Variants in CELSR1 observed in about 807,000 individuals in gnomAD.
The protein encoded by CELSR1 is cadherin EGF LAG seven-pass G-type receptor 1.
CELSR1 carries 110 observed loss-of-function variants against 249.1 expected under a neutral mutation model. The observed-to-expected ratio is 0.44, with a 90% CI of 0.38 to 0.52. The LOEUF (loss-of-function observed/expected upper bound fraction) is 0.52. CELSR1 is among the 20% of genes least tolerant of loss of function. CELSR1 has a pLI of 0.00. For missense variants in CELSR1, 4,109 were observed against 4,296.4 expected (o/e 0.96, Z 1.22); for synonymous variants, 2,113 against 1,900.0 (o/e 1.11, Z -2.92).
chr22:46,389,275 C>A lies in CELSR1; in HGVS notation c.6555+15G>T. On this transcript the variant is annotated intron_variant, in intron 18 of 34. Coordinates refer to ENST00000674500, the MANE Select transcript of CELSR1 (RefSeq NM_001378328.1). The stretch of plus-strand genomic sequence containing the variant: ...CCCGAGTGTCCCCGAGCCAGGGTGG[C>A]GGCCACCCGCCTACCTCGTGAAAGT... 1.9e-6 allele frequency: 3 copies of A among 1,601,150 alleles called. No homozygotes were observed. Among genetic ancestry groups the A allele is most frequent in the Non-Finnish European group, 2.5e-6 (3 of 1,179,462 alleles).
chr22:46,451,462 G>A (rs2079883579), intron 2 of CELSR1, among the ~76,000 whole-genome samples: 1 of 152,230 alleles, frequency 6.6e-6, no homozygotes, highest in African/African-American at 2.4e-5. Context: ...CCACTGCTTT[G>A]CTGTTTCTTA....
At chr22:46,451,260 C>T (rs1470774424) in intron 2 of CELSR1, among the ~76,000 whole-genome samples, 3 of 152,350 alleles carry the variant, frequency 2.0e-5, no homozygotes, top group African/African-American at 7.2e-5. Context: ...AGACCCCCGC[C>T]CCACAAGGAG....
intron 2 of CELSR1, among the ~76,000 whole-genome samples, chr22:46,450,783 A>T (rs2079874427): frequency 6.6e-6 from 1 of 152,302 alleles, no homozygotes; most frequent in South Asian, 2.1e-4. Flanking sequence ...GTCAGGACAG[A>T]GGTTTCCTGA....
rs750992843 is a variant in CELSR1, at chr22:46,367,057, C to T, written c.8141G>A (p.Gly2714Asp). 7 of 1,611,386 alleles carry T rather than the reference C, an allele frequency of 4.3e-6. No homozygotes were observed. The highest frequency in any genetic ancestry group is 1.1e-5 in the South Asian group (1 of 90,808). ...GTGCAGCTTCCTCCCGCCGAGCACG[C>T]CCTTCAGGTGCTTCCGGACCTCCTG... ...LNQEVRKHLK[G>D]VLGGRKLHLE... is the part of the protein sequence containing the mutation. The change falls in exon 29 of 35, where the codon GGC (glycine) becomes GAC (aspartate). Residue 2714 changes from glycine (G) to aspartate (D), a missense_variant. This residue lies in a region of CELSR1 where 1,805 missense variants were observed against 1,831.6 expected (regional missense o/e 0.99). Transcript: ENST00000674500.
At chr22:46,492,013 G>T (rs1039350633) in intron 1 of CELSR1, among the ~76,000 whole-genome samples, 3 of 152,188 alleles carry the variant, frequency 2.0e-5, no homozygotes, top group African/African-American at 4.8e-5. Flanking sequence ...CCAGCACCTC[G>T]CAAGTGCCTA....
intron 2 of CELSR1, among the ~76,000 whole-genome samples, chr22:46,453,147 G>A (rs1270290432): frequency 6.6e-6 from 1 of 152,198 alleles, no homozygotes; most frequent in Non-Finnish European, 1.5e-5. Context: ...CCATGCTCCT[G>A]CTAGACATGG....
intron 2 of CELSR1, among the ~76,000 whole-genome samples, chr22:46,461,846 G>A (rs1390508479): frequency 2.0e-5 from 3 of 152,250 alleles, no homozygotes; most frequent in African/African-American, 7.2e-5. Context: ...CCACATGGCA[G>A]GCACTGGCTC....
At chr22:46,369,125 G>C (rs767470668) in intron 27 of CELSR1, 54 bp downstream of exon 27, 2 of 1,565,890 alleles carry the variant, frequency 1.3e-6, no homozygotes, top group African/African-American at 1.4e-5. Context: ...ACTGGACGTC[G>C]GGGTCTCAGG....
At chr22:46,376,275 C>T (rs2078917200) in intron 24 of CELSR1, among the ~76,000 whole-genome samples, 1 of 152,124 alleles carries the variant, frequency 6.6e-6, no homozygotes, top group Non-Finnish European at 1.5e-5. Context: ...AATGTTAAAC[C>T]ATCCTTGCAT....
intron 17 of CELSR1, 128 bp from the exon 18 acceptor site, chr22:46,389,627 A>T (rs2079067924): frequency 9.4e-7 from 1 of 1,061,732 alleles, no homozygotes; most frequent in Admixed American, 2.3e-5. Context: ...AAAAAATCCA[A>T]AAGCCTGGCT....
At position 46,378,721 on chromosome 22, in the gene CELSR1, CG is replaced by C; in HGVS notation, c.7257-5del. 4 of 1,611,610 alleles carry C rather than the reference CG, an allele frequency of 2.5e-6. No homozygotes were observed. The highest frequency in any genetic ancestry group is 3.4e-6 in the Non-Finnish European group (4 of 1,179,022). Reference sequence around the variant, plus strand: ...CCACCCTCCCGTCCCACCAACGCTGCGGAGAGGACAGAGAAGGGGCAGGGGT... The same window carrying C: ...CCACCCTCCCGTCCCACCAACGCTGCGAGAGGACAGAGAAGGGGCAGGGGT... On this transcript the variant is annotated splice_region_variant and splice_polypyrimidine_tract_variant and intron_variant, in intron 22 of 34. Coordinates refer to ENST00000674500, the MANE Select transcript of CELSR1 (RefSeq NM_001378328.1).
At chr22:46,418,391 T>C (rs2079427384) in intron 5 of CELSR1, among the ~76,000 whole-genome samples, 1 of 151,848 alleles carries the variant, frequency 6.6e-6, no homozygotes, top group Admixed American at 6.6e-5. Flanking sequence ...GTGGCTGAGG[T>C]GGAAAATCGC....
chr22:46,520,138 T>G (rs895342553), intron 1 of CELSR1, among the ~76,000 whole-genome samples: 10 of 152,210 alleles, frequency 6.6e-5, no homozygotes, highest in African/African-American at 2.2e-4. Context: ...CCTCCCAAAG[T>G]GCTGGAATTA....
rs749500571 is a variant in CELSR1, at chr22:46,381,003, T to C, written c.7089-48A>G. The C allele has an allele frequency of 1.8e-5, 29 of 1,583,198 alleles. No homozygotes were observed. The highest frequency in any genetic ancestry group is 8.6e-7 in the Non-Finnish European group (1 of 1,157,514). On this transcript the variant is annotated intron_variant, in intron 21 of 34. Transcript: ENST00000674500. The surrounding 1 kb of genome is among the most constrained non-coding windows in gnomAD (Gnocchi z 6.0). ...TGGGGACAAACACGGTGAGGAAACA[T>C]CTGCTTAAATCCCGCGCACAAATGC...
intron 2 of CELSR1, among the ~76,000 whole-genome samples, chr22:46,460,671 C>T (rs1388417435): frequency 6.6e-6 from 1 of 152,186 alleles, no homozygotes; most frequent in Non-Finnish European, 1.5e-5. Context: ...AACTGGGAGG[C>T]CATCCCAGGC....
rs189341925 is a variant in CELSR1, at chr22:46,377,231, T to A, written c.7414A>T (p.Thr2472Ser). The A allele has an allele frequency of 6.2e-7, 1 of 1,613,796 alleles. No homozygotes were observed. The highest frequency in any genetic ancestry group is 2.2e-5 in the East Asian group (1 of 44,884). Residue 2472 changes from threonine to serine, a missense_variant, in exon 24 of 35, where the codon ACC becomes TCC. By Grantham distance (58) the Thr-to-Ser change is moderately conservative (BLOSUM62 1). This residue lies in a region of CELSR1 where 1,805 missense variants were observed against 1,831.6 expected (regional missense o/e 0.99). Coordinates refer to ENST00000674500, the MANE Select transcript of CELSR1 (RefSeq NM_001378328.1). ...NGEVLPLKIVTYAAVSLSLAA... is the reference protein window; with the variant it reads ...NGEVLPLKIVSYAAVSLSLAA... ...AGTGACAAGGACACAGCGGCATAGG[T>A]GACAATCTTCAGAGGCAGGACCTCC...
rs1026525031 is a variant in CELSR1 at position 46,468,230 on chromosome 22, A to G, written c.3545-3885T>C. On this transcript the variant is annotated intron_variant, in intron 1 of 34. Transcript: ENST00000674500. This position sits in a 1 kb window ranked among gnomAD's most constrained non-coding sequence, Gnocchi z 4.5. ...GTGAAACCATGTCTCTACTAAAAATACAAAAATTAGCTGGGCGTGGTGGTG... is the reference window on the plus strand; with the variant it reads ...GTGAAACCATGTCTCTACTAAAAATGCAAAAATTAGCTGGGCGTGGTGGTG... 6.6e-6 allele frequency among the ~76,000 whole-genome samples: 1 copy of G among 152,022 alleles called. No individual in the cohort carries two copies. Among genetic ancestry groups the G allele is most frequent in the Non-Finnish European group, 1.5e-5 (1 of 68,014 alleles).
chr22:46,363,919 C>A lies in CELSR1; in HGVS notation c.9035+77G>T. 6.9e-7 allele frequency: 1 copy of A among 1,454,760 alleles called. No homozygotes were observed. The highest frequency in any genetic ancestry group is 9.1e-7 in the Non-Finnish European group (1 of 1,102,178). 90.1% of individuals were successfully genotyped at this position (1,454,760 alleles called of 1,614,324 possible). On this transcript the variant is annotated intron_variant, in intron 34 of 34. Coordinates refer to ENST00000674500, the MANE Select transcript of CELSR1 (RefSeq NM_001378328.1). This position sits in a 1 kb window ranked among gnomAD's most constrained non-coding sequence, Gnocchi z 4.3. Reference sequence around the variant, plus strand: ...GGTGAGGTGGGTGTCAGGTCCCTGACCACTGCCCCCTCTCTCTCCTGACTC... The same window carrying A: ...GGTGAGGTGGGTGTCAGGTCCCTGAACACTGCCCCCTCTCTCTCCTGACTC...
chr22:46,460,289 T>C (rs973715959), intron 2 of CELSR1, among the ~76,000 whole-genome samples: 2 of 150,728 alleles, frequency 1.3e-5, no homozygotes, highest in African/African-American at 4.9e-5. Context: ...AGCATGGGGG[T>C]GGACCAACAA....
Sources: allele counts gnomAD v4.1 joint callset (sites outside exome capture counted in the v4.1 genomes callset), GRCh38; gene constraint gnomAD v4.1.1; regional missense constraint gnomAD v4.1.1; non-coding constraint Gnocchi (gnomAD v3.1); transcripts MANE v1.5; gene names NCBI Gene and HGNC (gene_info 2026-07-23, HGNC 2026-07-21).